The following GSG1L variants were observed in gnomAD, a reference collection of about 807,000 sequenced individuals.
The protein encoded by GSG1L is germ cell-specific gene 1-like protein.
Under a neutral mutation model 42.1 loss-of-function variants are expected in GSG1L, and 24 were observed. The ratio of observed to expected loss-of-function variants is 0.57; its 90% confidence interval spans 0.41 to 0.80. The LOEUF (loss-of-function observed/expected upper bound fraction) is 0.80, where lower values mean the gene tolerates loss of function less well. GSG1L is among the 30% of genes least tolerant of loss of function. The pLI, the probability that GSG1L is intolerant of heterozygous loss-of-function variation, is 0.00. For missense variants in GSG1L, 445 were observed against 472.2 expected, an observed-to-expected ratio of 0.94 and a Z score of 0.53; for synonymous variants, 215 against 203.5, an observed-to-expected ratio of 1.06 and a Z score of -0.48.
chr16:27,807,423 G>T lies in GSG1L; in HGVS notation c.898+64C>A, dbSNP rs2082978191. 8.0e-6 allele frequency: 11 copies of T among 1,381,932 alleles called. No homozygotes were observed. The South Asian group carries it at 1.1e-4, about 14-fold the overall frequency. The allele number at this position is 1,381,932 out of a possible 1,614,324, so 85.6% of individuals were successfully genotyped here. On this transcript the variant is annotated intron_variant, in intron 6 of 6. Transcript: ENST00000447459. ...GGGGCTGGCCTGACTCTTCTCCAGG[G>T]ATTCTTTCTCCTCTGGCAGCCCATG... is the stretch of plus-strand genomic sequence containing the variant.
intron 2 of GSG1L, among the ~76,000 whole-genome samples, chr16:27,934,915 C>G (rs1169689838): frequency 6.6e-6 from 1 of 152,168 alleles, no homozygotes; most frequent in African/African-American, 2.4e-5. Context: ...CTACTGGATG[C>G]CAAGCACCAT....
intron 3 of GSG1L, among the ~76,000 whole-genome samples, chr16:27,859,719 A>T (rs776402597): frequency 2.0e-5 from 3 of 152,232 alleles, no homozygotes; most frequent in Non-Finnish European, 4.4e-5. Flanking sequence ...CCTGTCACCC[A>T]GGCTGGAGTG....
At chr16:28,038,978 A>T (rs1481432328) in intron 1 of GSG1L, among the ~76,000 whole-genome samples, 5 of 152,214 alleles carry the variant, frequency 3.3e-5, no homozygotes, top group Non-Finnish European at 7.3e-5. Flanking sequence ...ATATAGGGAT[A>T]CTGAGGCACA....
chr16:28,044,409 T>C (rs2086141036), intron 1 of GSG1L, among the ~76,000 whole-genome samples: 1 of 152,204 alleles, frequency 6.6e-6, no homozygotes, highest in African/African-American at 2.4e-5. Context: ...TGTTCCTTGG[T>C]AGTTAGTTGG....
At chr16:27,899,358 C>T (rs1377182503) in intron 2 of GSG1L, among the ~76,000 whole-genome samples, 1 of 152,200 alleles carries the variant, frequency 6.6e-6, no homozygotes, top group South Asian at 2.1e-4. Context: ...GACAAGTTAC[C>T]TCGCCTCTCT....
At chr16:27,798,785 C>T (rs796389764) in intron 6 of GSG1L, among the ~76,000 whole-genome samples, 19 of 152,208 alleles carry the variant, frequency 1.2e-4, no homozygotes, top group African/African-American at 4.6e-4. Flanking sequence ...GGTTGTGGTA[C>T]CACTGCCTTG....
chr16:27,894,888 G>A (rs974611072), intron 2 of GSG1L, among the ~76,000 whole-genome samples: 1 of 152,168 alleles, frequency 6.6e-6, no homozygotes, highest in Non-Finnish European at 1.5e-5. Flanking sequence ...TGTGTCTGGG[G>A]GCAAGGTTGG....
At chr16:28,044,999 T>C (rs2086145972) in intron 1 of GSG1L, among the ~76,000 whole-genome samples, 1 of 152,136 alleles carries the variant, frequency 6.6e-6, no homozygotes, top group South Asian at 2.1e-4. Flanking sequence ...CTATGACAGT[T>C]TTTGGAAAAG....
At chr16:27,832,104 C>A (rs542906953) in intron 4 of GSG1L, among the ~76,000 whole-genome samples, 1 of 152,158 alleles carries the variant, frequency 6.6e-6, no homozygotes, top group South Asian at 2.1e-4. Flanking sequence ...CCTTATCACA[C>A]CCTGTGATTC....
At chr16:27,806,938 A>G (rs2082970854) in intron 6 of GSG1L, among the ~76,000 whole-genome samples, 2 of 152,206 alleles carry the variant, frequency 1.3e-5, no homozygotes, top group African/African-American at 2.4e-5. Context: ...CGTGGTGGGC[A>G]TTACAGCAGG....
chr16:27,918,811 T>C (rs558409792), intron 2 of GSG1L, among the ~76,000 whole-genome samples: 2 of 152,282 alleles, frequency 1.3e-5, no homozygotes, highest in African/African-American at 4.8e-5. Context: ...TTATCCTTGG[T>C]CTGGTGCTCT....
intron 5 of GSG1L, among the ~76,000 whole-genome samples, chr16:27,816,991 A>G (rs58040729): frequency 0.021 from 3,209 of 152,262 alleles, 124 homozygotes; most frequent in African/African-American, 0.073. Flanking sequence ...ACTGTCCCCA[A>G]TAGCCCACCA....
intron 1 of GSG1L, among the ~76,000 whole-genome samples, chr16:28,047,747 G>A (rs1481136737): frequency 6.6e-6 from 1 of 152,056 alleles, no homozygotes; most frequent in Non-Finnish European, 1.5e-5. Context: ...CCACAATTCC[G>A]CAATGAAAAT....
chr16:27,880,545 T>A (rs542127309), intron 3 of GSG1L, among the ~76,000 whole-genome samples: 1 of 152,330 alleles, frequency 6.6e-6, no homozygotes, highest in South Asian at 2.1e-4. Context: ...TTAACCTCCC[T>A]GAGCCTGGAT....
At chr16:27,925,390 T>C (rs1435681828) in intron 2 of GSG1L, among the ~76,000 whole-genome samples, 3 of 151,412 alleles carry the variant, frequency 2.0e-5, no homozygotes, top group Non-Finnish European at 4.4e-5. Flanking sequence ...TGTCAGGTGG[T>C]GGGAGGGAGG....
At chr16:27,915,512 CG>C (rs888899618) in intron 2 of GSG1L, among the ~76,000 whole-genome samples, 1 of 152,164 alleles carries the variant, frequency 6.6e-6, no homozygotes, top group African/African-American at 2.4e-5. Flanking sequence ...AGTTCTCAGT[CG>C]TTCATTCACT....
rs375721488 is a variant in GSG1L, at chr16:27,998,692, C to G, written c.350-35489G>C. ...GTCCCAGCTACCCGGGAGGCTGAAG[C>G]AGGAGGATCATTTGAGCCCAGTTCA... is the stretch of plus-strand genomic sequence containing the variant. On this transcript the variant is annotated intron_variant, in intron 1 of 6. Transcript: ENST00000447459. Among the ~76,000 whole-genome samples the G allele has an allele frequency of 3.9e-5, 6 of 152,226 alleles. No individual in the cohort carries two copies. The East Asian group carries it at 1.2e-3, about 29-fold the overall frequency.
In GSG1L at chr16:27,891,025, C is replaced by T. The variant is rs117090965; in HGVS notation, c.398-6387G>A. 1.1e-3 allele frequency among the ~76,000 whole-genome samples: 174 copies of T among 152,268 alleles called. 2 individuals carry two copies. In the East Asian group the frequency reaches 0.029, roughly 25 times the overall value. On this transcript the variant is annotated intron_variant, in intron 2 of 6. Transcript: ENST00000447459. ...CTGTGTCTCTCTGCTTGGGGGCTTG[C>T]CCTGGCCACCAGAGCCCACCTCCAC...
At chr16:28,008,441 T>A (rs992061111) in intron 1 of GSG1L, among the ~76,000 whole-genome samples, 1 of 152,150 alleles carries the variant, frequency 6.6e-6, no homozygotes, top group Non-Finnish European at 1.5e-5. Flanking sequence ...CCTTGTGCCA[T>A]CCCTCCTGAA....
Sources: gnomAD v4.1 joint callset for allele counts (sites outside exome capture counted in the v4.1 genomes callset) on GRCh38, gnomAD v4.1.1 for gene constraint, MANE v1.5 for transcripts, NCBI Gene and HGNC (gene_info 2026-07-23, HGNC 2026-07-21) for gene names.